Variants in TMEM217B observed in about 807,000 individuals in gnomAD.
TMEM217B encodes transmembrane protein 217B, also known as putative transmembrane protein 217B.
the TMEM217B span, chr6:37,212,789 T>C: frequency 9.4e-5 from 68 of 726,724 alleles, no homozygotes; most frequent in East Asian, 1.8e-3. Context: ...GAGAGGCCAG[T>C]GCTGATATTA....
At chr6:37,232,117 GT>G in the TMEM217B span, among the ~76,000 whole-genome samples, 5 of 152,120 alleles carry the variant, frequency 3.3e-5, no homozygotes, top group East Asian at 9.6e-4. Flanking sequence ...GGAGAGAGGG[GT>G]GAAATGGAAT....
At chr6:37,250,492 G>A in the TMEM217B span, among the ~76,000 whole-genome samples, 1 of 152,222 alleles carries the variant, frequency 6.6e-6, no homozygotes, top group Non-Finnish European at 1.5e-5. Context: ...ATTGCTGTGA[G>A]GATAAGTTGG....
At chr6:37,235,539 C>G in the TMEM217B span, among the ~76,000 whole-genome samples, 2 of 151,906 alleles carry the variant, frequency 1.3e-5, no homozygotes, top group Middle Eastern at 6.8e-3. Context: ...CTAATTTTTT[C>G]TATTTTTTAG....
the TMEM217B span, among the ~76,000 whole-genome samples, chr6:37,255,755 G>A: frequency 0.032 from 4,828 of 152,114 alleles, 246 homozygotes; most frequent in African/African-American, 0.11. Context: ...GTGGAAGCAG[G>A]GAGCCGAATA....
the TMEM217B span, among the ~76,000 whole-genome samples, chr6:37,248,851 A>C: frequency 6.6e-6 from 1 of 152,224 alleles, no homozygotes. Flanking sequence ...GGCATAAAAC[A>C]ATAGAAATTT....
chr6:37,251,170 C>T, the TMEM217B span, among the ~76,000 whole-genome samples: 1 of 152,174 alleles, frequency 6.6e-6, no homozygotes, highest in Non-Finnish European at 1.5e-5. Flanking sequence ...TTACAAGCTA[C>T]CCAATCTATG....
chr6:37,215,570 C>CAAAAAAAAAAAAAAAAAA, the TMEM217B span, among the ~76,000 whole-genome samples: 11 of 72,374 alleles, frequency 1.5e-4, no homozygotes, highest in African/African-American at 3.6e-4. Flanking sequence ...GACTCTGTCT[C>CAAAAAAAAAAAAAAAAAA]AAAAAAAAAA....
the TMEM217B span, among the ~76,000 whole-genome samples, chr6:37,252,643 T>A: frequency 8.4e-3 from 734 of 87,864 alleles, 2 homozygotes; most frequent in African/African-American, 0.032. Flanking sequence ...ATATATTTTT[T>A]TTTTTTTTTT....
At chr6:37,236,569 T>C in the TMEM217B span, among the ~76,000 whole-genome samples, 114 of 152,290 alleles carry the variant, frequency 7.5e-4, no homozygotes, top group African/African-American at 2.6e-3. Flanking sequence ...GCAAGTCAAA[T>C]GCCCAGGCTT....
At chr6:37,215,570 C>CAAAAAAAAAAAAAAAAAAAAAAAAAAA in the TMEM217B span, among the ~76,000 whole-genome samples, 9 of 72,374 alleles carry the variant, frequency 1.2e-4, no homozygotes, top group African/African-American at 1.8e-4. Context: ...GACTCTGTCT[C>CAAAAAAAAAAAAAAAAAAAAAAAAAAA]AAAAAAAAAA....
At chr6:37,218,142 G>A in the TMEM217B span, 1 of 1,115,472 alleles carries the variant, frequency 9.0e-7, no homozygotes, top group Non-Finnish European at 1.1e-6. Context: ...CAACATGATT[G>A]CTTATAGTGG....
chr6:37,223,514 T>C, the TMEM217B span, among the ~76,000 whole-genome samples: 1 of 152,152 alleles, frequency 6.6e-6, no homozygotes, highest in African/African-American at 2.4e-5. Context: ...AACTCAAATA[T>C]TTTTCTTTTT....
the TMEM217B span, among the ~76,000 whole-genome samples, chr6:37,232,037 T>C: frequency 1.3e-5 from 2 of 152,152 alleles, no homozygotes; most frequent in African/African-American, 4.8e-5. Flanking sequence ...TACCTGAAAC[T>C]GGGCAGCTGA....
the TMEM217B span, chr6:37,218,611 A>C: frequency 2.5e-6 from 4 of 1,614,200 alleles, no homozygotes; most frequent in South Asian, 4.4e-5. Context: ...ACATCCAGAA[A>C]CAGTGCATGA....
At chr6:37,212,907 G>C in the TMEM217B span, 1 of 1,545,958 alleles carries the variant, frequency 6.5e-7, no homozygotes, top group Non-Finnish European at 8.8e-7. Flanking sequence ...CAAAGATGAA[G>C]AACTGGGTGG....
At chr6:37,252,597 GTGTGTGTGTGTA>G in the TMEM217B span, among the ~76,000 whole-genome samples, 6 of 19,724 alleles carry the variant, frequency 3.0e-4, no homozygotes, top group Middle Eastern at 0.022. Flanking sequence ...GTATGTGTGT[GTGTGTGTGTGTA>G]TGTGTGTGTA....
the TMEM217B span, among the ~76,000 whole-genome samples, chr6:37,220,113 C>T: frequency 2.0e-5 from 3 of 151,984 alleles, no homozygotes; most frequent in East Asian, 1.9e-4. Flanking sequence ...AATAGAAGCG[C>T]GTAAGTCAAT....
chr6:37,252,647 T>A, the TMEM217B span, among the ~76,000 whole-genome samples: 1,678 of 122,342 alleles, frequency 0.014, 28 homozygotes, highest in African/African-American at 0.032. Flanking sequence ...ATTTTTTTTT[T>A]TTTTTTTTTT....
At chr6:37,238,407 C>G in the TMEM217B span, among the ~76,000 whole-genome samples, 1 of 152,170 alleles carries the variant, frequency 6.6e-6, no homozygotes, top group Non-Finnish European at 1.5e-5. Flanking sequence ...CGTTAGCTTC[C>G]TTCCCAATAC....
Sources: allele counts gnomAD v4.1 joint callset (sites outside exome capture counted in the v4.1 genomes callset), GRCh38; gene constraint gnomAD v4.1.1; transcripts MANE v1.5; gene names NCBI Gene and HGNC (gene_info 2026-07-23, HGNC 2026-07-21).